Variants in SAMMSON observed in about 807,000 individuals in gnomAD.
SAMMSON encodes long intergenic non-protein coding RNA 1212.
At chr3:70,079,586 T>C (rs1203150353) in intron 4 of SAMMSON, among the ~76,000 whole-genome samples, 2 of 152,232 alleles carry the variant, frequency 1.3e-5, no homozygotes, top group African/African-American at 2.4e-5. Context: ...CACTTTTCTA[T>C]AAAATAGGCT....
chr3:70,308,332 T>C (rs769095797), intron 7 of SAMMSON, among the ~76,000 whole-genome samples: 4 of 152,160 alleles, frequency 2.6e-5, no homozygotes, highest in Non-Finnish European at 5.9e-5. Context: ...GCTGAGATTA[T>C]AGGCATGAGT....
chr3:70,218,521 G>A (rs2106734948), intron 4 of SAMMSON, among the ~76,000 whole-genome samples: 1 of 152,202 alleles, frequency 6.6e-6, no homozygotes, highest in East Asian at 1.9e-4. Flanking sequence ...TCGGTACCCA[G>A]GGTGTGGTTG....
At chr3:70,018,576 T>G (rs1353755259) in intron 3 of SAMMSON, among the ~76,000 whole-genome samples, 2 of 152,200 alleles carry the variant, frequency 1.3e-5, no homozygotes, top group African/African-American at 4.8e-5. Flanking sequence ...TGTGTCTCTA[T>G]TCCCTTCAGT....
chr3:70,422,037 T>C (rs960379276), intron 2 of SAMMSON, among the ~76,000 whole-genome samples: 1 of 152,022 alleles, frequency 6.6e-6, no homozygotes, highest in African/African-American at 2.4e-5. Context: ...ACGAGGAACC[T>C]TGTATTTACT....
At chr3:70,228,973 G>A (rs756484001) in intron 4 of SAMMSON, among the ~76,000 whole-genome samples, 1 of 152,020 alleles carries the variant, frequency 6.6e-6, no homozygotes, top group East Asian at 1.9e-4. Context: ...GAAGAAACAC[G>A]GAGAATACCA....
At chr3:70,161,089 A>G (rs542869754) in intron 4 of SAMMSON, among the ~76,000 whole-genome samples, 19 of 152,152 alleles carry the variant, frequency 1.2e-4, no homozygotes, top group African/African-American at 4.3e-4. Context: ...TACACATGGT[A>G]TCATGTTATC....
chr3:70,291,709 T>C (rs1702241303), intron 7 of SAMMSON: 1 of 152,236 alleles, frequency 6.6e-6, no homozygotes, highest in East Asian at 1.9e-4. Context: ...ACAAAACTCC[T>C]GTGAGTCACT....
intron 7 of SAMMSON, among the ~76,000 whole-genome samples, chr3:70,346,779 T>C (rs1702754463): frequency 6.6e-6 from 1 of 152,222 alleles, no homozygotes; most frequent in Non-Finnish European, 1.5e-5. Context: ...GTTTTTGTTT[T>C]CAAGAACAAA....
intron 6 of SAMMSON, among the ~76,000 whole-genome samples, chr3:70,285,837 T>C (rs1702156632): frequency 6.6e-6 from 1 of 152,208 alleles, no homozygotes; most frequent in Non-Finnish European, 1.5e-5. Context: ...CATGTGTTTT[T>C]TGGCTGCATA....
At chr3:70,147,882 AG>A (rs1362588137) in intron 4 of SAMMSON, among the ~76,000 whole-genome samples, 4 of 152,094 alleles carry the variant, frequency 2.6e-5, no homozygotes, top group Non-Finnish European at 4.4e-5. Flanking sequence ...CTGGGATAAA[AG>A]TATTTAAAAA....
At chr3:70,100,299 A>G (rs2067338746) in intron 4 of SAMMSON, among the ~76,000 whole-genome samples, 1 of 152,090 alleles carries the variant, frequency 6.6e-6, no homozygotes, top group Admixed American at 6.6e-5. Flanking sequence ...GATACGAGCC[A>G]TAACATCCGG....
intron 4 of SAMMSON, among the ~76,000 whole-genome samples, chr3:70,097,015 A>G (rs2067325272): frequency 6.6e-6 from 1 of 152,210 alleles, no homozygotes; most frequent in African/African-American, 2.4e-5. Context: ...AGAATCATAA[A>G]AGTTGTTTTT....
At chr3:70,096,702 T>TG (rs947238596) in intron 4 of SAMMSON, among the ~76,000 whole-genome samples, 10 of 152,184 alleles carry the variant, frequency 6.6e-5, no homozygotes, top group African/African-American at 2.4e-4. Flanking sequence ...TGAGGGCCAC[T>TG]GGGGGGTCAT....
At chr3:70,026,447 T>A (rs2067037339) in intron 3 of SAMMSON, among the ~76,000 whole-genome samples, 1 of 152,164 alleles carries the variant, frequency 6.6e-6, no homozygotes, top group African/African-American at 2.4e-5. Context: ...CCCACTGAAA[T>A]CAAGATTTCC....
At chr3:70,014,381 A>T (rs1322956049) in intron 3 of SAMMSON, 1 of 152,036 alleles carries the variant, frequency 6.6e-6, no homozygotes. Context: ...TTCAGGCAAA[A>T]TCAACGCTGT....
At chr3:70,283,319 G>C (rs1047671352) in intron 6 of SAMMSON, among the ~76,000 whole-genome samples, 1 of 152,042 alleles carries the variant, frequency 6.6e-6, no homozygotes, top group African/African-American at 2.4e-5. Flanking sequence ...GTGCCTGGCA[G>C]ATAGTAAATG....
At position 70,335,401 on chromosome 3, in the gene SAMMSON, A is replaced by G. The variant is rs543763555; in HGVS notation, n.740-18774A>G. On this transcript the variant is annotated intron_variant and non_coding_transcript_variant, in intron 7 of 9. Transcript: ENST00000642114. ...ATATTTGCTTAGGTTTTGTTTCTTTATAATATACCAGCACACAATCATAGT... is the reference window on the plus strand; with the variant it reads ...ATATTTGCTTAGGTTTTGTTTCTTTGTAATATACCAGCACACAATCATAGT... Among the ~76,000 whole-genome samples, 141 of 152,122 alleles carry G rather than the reference A, an allele frequency of 9.3e-4. 5 individuals are homozygous for G. In the South Asian group the frequency reaches 0.028, roughly 30 times the overall value.
intron 9 of SAMMSON, among the ~76,000 whole-genome samples, chr3:70,368,316 A>G (rs1444901378): frequency 6.6e-6 from 1 of 151,520 alleles, no homozygotes; most frequent in Non-Finnish European, 1.5e-5. Context: ...TTTAATGTTA[A>G]ACCAAATAAT....
chr3:70,283,983 C>G (rs996335133), intron 6 of SAMMSON: 1 of 152,080 alleles, frequency 6.6e-6, no homozygotes, highest in Non-Finnish European at 1.5e-5. Context: ...TCCCACCACC[C>G]TACTGTCATA....
Sources: gnomAD v4.1 joint callset for allele counts (sites outside exome capture counted in the v4.1 genomes callset) on GRCh38, gnomAD v4.1.1 for gene constraint, MANE v1.5 for transcripts, NCBI Gene and HGNC (gene_info 2026-07-23, HGNC 2026-07-21) for gene names.